Variants in DGKI observed in about 807,000 individuals in gnomAD.
DGKI encodes DAG kinase iota.
A neutral mutation model predicts 147.5 loss-of-function variants in DGKI; 55 were observed. The ratio of observed to expected loss-of-function variants is 0.37; its 90% CI spans 0.30 to 0.47. The LOEUF (loss-of-function observed/expected upper bound fraction) is 0.47. DGKI is among the 20% of genes least tolerant of loss of function. The pLI, the probability that DGKI is intolerant of heterozygous loss-of-function variation, is 1.00. For missense variants in DGKI, 1,007 were observed against 1,323.8 expected (o/e 0.76, Z 3.71); for synonymous variants, 469 against 477.1 (o/e 0.98, Z 0.22).
chr7:137,537,870 G>A (rs1324696355), intron 20 of DGKI, among the ~76,000 whole-genome samples: 1 of 152,076 alleles, frequency 6.6e-6, no homozygotes. Flanking sequence ...TATCATTTTT[G>A]TTACTTCCTT....
chr7:137,518,991 T>G (rs1363372652), intron 21 of DGKI, among the ~76,000 whole-genome samples: 2 of 152,102 alleles, frequency 1.3e-5, no homozygotes, highest in African/African-American at 4.8e-5. Flanking sequence ...TTGAATAGAC[T>G]GTCCCCTCTT....
intron 9 of DGKI, 69 bp downstream of exon 9, chr7:137,609,466 T>A (rs1282141997): frequency 2.4e-6 from 3 of 1,224,922 alleles, no homozygotes; most frequent in Non-Finnish European, 3.6e-6. Context: ...TTGGACCAGA[T>A]CTCATAGGAC....
intron 2 of DGKI, 31 bp downstream of exon 2, chr7:137,689,863 G>A (rs934348274): frequency 1.4e-6 from 2 of 1,380,276 alleles, no homozygotes; most frequent in South Asian, 1.4e-5. Context: ...ATGCACTGAA[G>A]TGATGTTTAA....
intron 28 of DGKI, among the ~76,000 whole-genome samples, chr7:137,442,958 G>A (rs532384807): frequency 2.6e-5 from 4 of 152,164 alleles, no homozygotes; most frequent in Non-Finnish European, 5.9e-5. Flanking sequence ...AGGATGAGGT[G>A]AGGTGCATAG....
chr7:137,463,470 A>G lies in DGKI; in HGVS notation c.2735+19T>C, dbSNP rs1200121709. Reference sequence around the variant, plus strand: ...AATCACAGTGGCACAGAGGAAAAGAACAGCAAGAGAACTCTTACTGTAGCA... The same window carrying G: ...AATCACAGTGGCACAGAGGAAAAGAGCAGCAAGAGAACTCTTACTGTAGCA... On this transcript the variant is annotated intron_variant, in intron 27 of 32. Coordinates refer to ENST00000614521, the MANE Select transcript of DGKI (RefSeq NM_001321708.2). 1.9e-6 allele frequency: 3 copies of G among 1,612,686 alleles called. No individual in the cohort carries two copies. The highest frequency in any genetic ancestry group is 2.5e-6 in the Non-Finnish European group (3 of 1,179,650).
At chr7:137,542,242 T>C (rs1194622722) in intron 20 of DGKI, among the ~76,000 whole-genome samples, 1 of 152,152 alleles carries the variant, frequency 6.6e-6, no homozygotes, top group Non-Finnish European at 1.5e-5. Flanking sequence ...ACTTACCATA[T>C]GACCCAGCAA....
chr7:137,422,622 T>TG (rs1554401013), intron 28 of DGKI, among the ~76,000 whole-genome samples: 1 of 113,914 alleles, frequency 8.8e-6, no homozygotes, highest in South Asian at 3.4e-4. Flanking sequence ...TTTTTTTTTT[T>TG]GAGATGGAGT....
chr7:137,435,325 T>C (rs141553152), intron 28 of DGKI, among the ~76,000 whole-genome samples: 228 of 152,308 alleles, frequency 1.5e-3, no homozygotes, highest in Non-Finnish European at 2.4e-3. Flanking sequence ...GGCATTTAAG[T>C]TGTCAGGAAA....
intron 3 of DGKI, among the ~76,000 whole-genome samples, chr7:137,675,574 A>T (rs1348762332): frequency 6.6e-6 from 1 of 151,574 alleles, no homozygotes; most frequent in African/African-American, 2.4e-5. Context: ...AACCCCAGCT[A>T]CTCAGGAGGC....
In DGKI at chr7:137,596,764, T is replaced by C. The variant is rs576791113; in HGVS notation, c.1311+1083A>G. On this transcript the variant is annotated intron_variant, in intron 12 of 32. Transcript: ENST00000614521. ...CAATAAAAATCACAGTTCTATTTCA[T>C]TCTCATTGCATTTATTGGTATATAA... is the stretch of plus-strand genomic sequence containing the variant. Among the ~76,000 whole-genome samples the C allele has an allele frequency of 6.6e-5, 10 of 152,364 alleles. 1 individual carries two copies. Among genetic ancestry groups the C allele is most frequent in the Admixed American group, 6.5e-4 (10 of 15,302 alleles).
At chr7:137,533,371 A>G (rs1343686255) in intron 20 of DGKI, among the ~76,000 whole-genome samples, 1 of 152,148 alleles carries the variant, frequency 6.6e-6, no homozygotes, top group East Asian at 1.9e-4. Context: ...TTTTGATGCT[A>G]CAAATACTAA....
intron 1 of DGKI, among the ~76,000 whole-genome samples, chr7:137,715,828 A>G (rs945895913): frequency 6.6e-6 from 1 of 152,166 alleles, no homozygotes; most frequent in Non-Finnish European, 1.5e-5. Flanking sequence ...TTCTGCTTGT[A>G]AGAGAGAAGT....
At position 137,721,960 on chromosome 7, in the gene DGKI, A is replaced by T; in HGVS notation, c.402-31958T>A. ...TCAGTCCTCAGCTTAGAAGTATAGCATAGTGAGCTCTTTCCCATCTTGCAA... is the reference window on the plus strand; with the variant it reads ...TCAGTCCTCAGCTTAGAAGTATAGCTTAGTGAGCTCTTTCCCATCTTGCAA... On this transcript the variant is annotated intron_variant, in intron 1 of 32. Coordinates refer to ENST00000614521, the MANE Select transcript of DGKI (RefSeq NM_001321708.2). 24 of 1,370,178 alleles carry T rather than the reference A, an allele frequency of 1.8e-5. No homozygotes were observed. In the South Asian group the frequency reaches 3.2e-4, roughly 18 times the overall value. 84.9% of individuals were successfully genotyped at this position (1,370,178 alleles called of 1,614,324 possible).
At chr7:137,684,279 T>C (rs1422264247) in intron 2 of DGKI, among the ~76,000 whole-genome samples, 1 of 152,206 alleles carries the variant, frequency 6.6e-6, no homozygotes, top group African/African-American at 2.4e-5. Flanking sequence ...TCACAGCAGA[T>C]TTTGAAGATT....
At chr7:137,821,571 C>T (rs951311024) in intron 1 of DGKI, among the ~76,000 whole-genome samples, 6 of 151,290 alleles carry the variant, frequency 4.0e-5, no homozygotes, top group African/African-American at 1.5e-4. Flanking sequence ...CTATGGTGAG[C>T]TGGACACATA....
intron 1 of DGKI, among the ~76,000 whole-genome samples, chr7:137,707,098 T>C (rs1794061428): frequency 6.6e-6 from 1 of 152,216 alleles, no homozygotes; most frequent in Non-Finnish European, 1.5e-5. Flanking sequence ...GTCAATCTTG[T>C]TCATTTTGAT....
At chr7:137,395,830 A>T in intron 31 of DGKI, 133 bp from the exon 32 acceptor site, 1 of 667,548 alleles carries the variant, frequency 1.5e-6, no homozygotes, top group East Asian at 2.8e-5. Context: ...TGTAGGGTAC[A>T]TTCTGGGGAG....
At chr7:137,549,956 T>C (rs1817989481) in intron 20 of DGKI, among the ~76,000 whole-genome samples, 1 of 152,222 alleles carries the variant, frequency 6.6e-6, no homozygotes, top group African/African-American at 2.4e-5. Flanking sequence ...TTTCTCAAAA[T>C]GTAGTGTTGA....
intron 11 of DGKI, among the ~76,000 whole-genome samples, chr7:137,598,210 CGTTA>C (rs895412788): frequency 5.3e-5 from 8 of 152,270 alleles, no homozygotes; most frequent in African/African-American, 1.9e-4. Context: ...TTATTTTCCT[CGTTA>C]GTTTTGACTT....
Sources: gnomAD v4.1 joint callset for allele counts (sites outside exome capture counted in the v4.1 genomes callset) on GRCh38, gnomAD v4.1.1 for gene constraint, MANE v1.5 for transcripts, NCBI Gene and HGNC (gene_info 2026-07-23, HGNC 2026-07-21) for gene names.